The following PXYLP1 variants were observed in gnomAD, a reference collection of about 807,000 sequenced individuals.
PXYLP1 encodes the protein acid phosphatase-like 2.
PXYLP1 carries 17 observed loss-of-function variants against 37.9 expected under a neutral mutation model. The observed-to-expected ratio is 0.45, with a 90% CI of 0.31 to 0.67. The LOEUF is 0.67. Among genes scored for constraint, PXYLP1 ranks in the 30% least tolerant of loss-of-function variants. The pLI is 0.07. For synonymous variants in PXYLP1, 221 were observed against 232.2 expected (o/e 0.95, Z 0.44); for missense variants, 511 against 612.0 (o/e 0.84, Z 1.74).
At position 141,292,600 on chromosome 3, in the gene PXYLP1, A is replaced by G; in HGVS notation, c.838A>G (p.Lys280Glu). 1 of 1,614,092 alleles carries G rather than the reference A, an allele frequency of 6.2e-7. No homozygotes were observed. Among genetic ancestry groups the G allele is most frequent in the Non-Finnish European group, 8.5e-7 (1 of 1,180,022 alleles). ...GGAGAAGACCTACGGGGAGATGGCC[A>G]AGATCGTGGATGTCCCCACCAAGCA... ...QLEKTYGEMAKIVDVPTKQLR... is the reference protein window; with the variant it reads ...QLEKTYGEMAEIVDVPTKQLR... Residue 280 changes from lysine (K) to glutamate (E), a missense_variant, in exon 6 of 6, where the codon AAG becomes GAG. Coordinates refer to ENST00000286353, the MANE Select transcript of PXYLP1 (RefSeq NM_001037172.3). This position sits in a 1 kb window ranked among gnomAD's most constrained non-coding sequence, Gnocchi z 4.3.
intron 5 of PXYLP1, chr3:141,291,561 T>C (rs1033806733): frequency 1.3e-5 from 2 of 152,248 alleles, no homozygotes; most frequent in Admixed American, 6.5e-5. Flanking sequence ...TACATATTCT[T>C]ATTTTTCCCT....
At chr3:141,259,647 G>C (rs1206202618) in intron 1 of PXYLP1, among the ~76,000 whole-genome samples, 1 of 152,124 alleles carries the variant, frequency 6.6e-6, no homozygotes, top group Admixed American at 6.5e-5. Flanking sequence ...TGGGGGACAT[G>C]TTGTGATGAT....
At chr3:141,290,033 T>A (rs898135762) in intron 5 of PXYLP1, among the ~76,000 whole-genome samples, 8 of 152,270 alleles carry the variant, frequency 5.3e-5, no homozygotes, top group African/African-American at 1.9e-4. Context: ...TTAATGGTCA[T>A]TTTTATTTCT....
Position 141,287,539 on chromosome 3 carries a change from C to A in PXYLP1, c.505+86C>A. ...CCGAGCAGTTCTCCTGGGCGGGGTGCTGTGCAGCTCAGAGGGGGTAAGCAA... is the reference window on the plus strand; with the variant it reads ...CCGAGCAGTTCTCCTGGGCGGGGTGATGTGCAGCTCAGAGGGGGTAAGCAA... On this transcript the variant is annotated intron_variant, in intron 5 of 5. Coordinates refer to ENST00000286353, the MANE Select transcript of PXYLP1 (RefSeq NM_001037172.3). 3 of 1,513,818 alleles carry A rather than the reference C, an allele frequency of 2.0e-6. No individual in the cohort carries two copies. In the East Asian group the frequency reaches 6.9e-5, roughly 35 times the overall value. 93.8% of individuals were successfully genotyped at this position (1,513,818 alleles called of 1,614,324 possible).
At position 141,250,639 on chromosome 3, in the gene PXYLP1, C is replaced by T. The variant is rs147548645; in HGVS notation, c.-53-9484C>T. 3.9e-3 allele frequency among the ~76,000 whole-genome samples: 590 copies of T among 152,342 alleles called. 1 individual carries two copies. The highest frequency in any genetic ancestry group is 0.016 in the South Asian group (76 of 4,830). On this transcript the variant is annotated intron_variant, in intron 1 of 5. Transcript: ENST00000286353. Reference sequence around the variant, plus strand: ...CTTCTTTGCTTCCAGTAGAGATGAACAGAGTTATCCCTTCTGCCTTTGCCC... The same window carrying T: ...CTTCTTTGCTTCCAGTAGAGATGAATAGAGTTATCCCTTCTGCCTTTGCCC...
At chr3:141,267,289 G>A (rs375656720) in intron 2 of PXYLP1, 1 of 152,172 alleles carries the variant, frequency 6.6e-6, no homozygotes, top group African/African-American at 2.4e-5. Context: ...AAAAGATTTG[G>A]GGATGCAAGC....
chr3:141,268,200 A>T (rs62281966), intron 2 of PXYLP1, among the ~76,000 whole-genome samples: 96 of 32,804 alleles, frequency 2.9e-3, no homozygotes, highest in African/African-American at 6.7e-3. Flanking sequence ...AGAGAGAGAG[A>T]GAGAGAGTGT....
intron 1 of PXYLP1, among the ~76,000 whole-genome samples, chr3:141,247,685 G>T (rs183830430): frequency 2.0e-5 from 3 of 152,162 alleles, no homozygotes; most frequent in African/African-American, 2.4e-5. Flanking sequence ...AACTCCATGC[G>T]CCTTGTAAGA....
chr3:141,283,386 T>C (rs760799407), intron 4 of PXYLP1, among the ~76,000 whole-genome samples: 1 of 152,060 alleles, frequency 6.6e-6, no homozygotes, highest in Non-Finnish European at 1.5e-5. Context: ...TGGGCTTATA[T>C]TACAGACAGA....
intron 3 of PXYLP1, 25 bp downstream of exon 3, chr3:141,278,525 C>A: frequency 6.2e-7 from 1 of 1,612,912 alleles, no homozygotes; most frequent in South Asian, 1.1e-5. Flanking sequence ...GCCACCAGGA[C>A]AGATACCCCT....
At chr3:141,242,292 T>G (rs1284235668) in intron 1 of PXYLP1, among the ~76,000 whole-genome samples, 1 of 152,162 alleles carries the variant, frequency 6.6e-6, no homozygotes, top group Non-Finnish European at 1.5e-5. Flanking sequence ...CTGGCCTGAT[T>G]AGAGGGGCTG....
chr3:141,237,767 G>A (rs1054655759), intron 1 of PXYLP1, among the ~76,000 whole-genome samples: 2 of 152,218 alleles, frequency 1.3e-5, no homozygotes, highest in Non-Finnish European at 2.9e-5. Flanking sequence ...TTGTGGTGAA[G>A]GACATGAATG....
intron 1 of PXYLP1, among the ~76,000 whole-genome samples, chr3:141,246,025 C>T (rs570550303): frequency 6.6e-6 from 1 of 152,146 alleles, no homozygotes; most frequent in Non-Finnish European, 1.5e-5. Flanking sequence ...TAGTTCTTCC[C>T]CCGACTGACC....
At chr3:141,242,417 G>T (rs1460117637) in intron 1 of PXYLP1, among the ~76,000 whole-genome samples, 1 of 152,210 alleles carries the variant, frequency 6.6e-6, no homozygotes, top group African/African-American at 2.4e-5. Context: ...GCCTGAGAAG[G>T]TAAGGGTTCT....
intron 1 of PXYLP1, among the ~76,000 whole-genome samples, chr3:141,233,870 C>G (rs1238747570): frequency 6.6e-6 from 1 of 152,222 alleles, no homozygotes; most frequent in Non-Finnish European, 1.5e-5. Flanking sequence ...AGTAGGGTCT[C>G]TCTGTCCAGA....
intron 2 of PXYLP1, among the ~76,000 whole-genome samples, chr3:141,272,382 C>T (rs1202334197): frequency 1.3e-5 from 2 of 152,094 alleles, no homozygotes; most frequent in Non-Finnish European, 2.9e-5. Context: ...ATTTTCTATT[C>T]CATGGGGACC....
intron 1 of PXYLP1, among the ~76,000 whole-genome samples, chr3:141,257,730 T>A (rs903073931): frequency 9.9e-5 from 15 of 151,766 alleles, no homozygotes; most frequent in African/African-American, 3.6e-4. Flanking sequence ...GGTGAAACCC[T>A]GTCTCTACTA....
chr3:141,244,224 C>A (rs1004459192), intron 1 of PXYLP1, among the ~76,000 whole-genome samples: 2 of 152,130 alleles, frequency 1.3e-5, no homozygotes, highest in African/African-American at 4.8e-5. Flanking sequence ...TTTAAAATAG[C>A]ACAGGTTCAA....
At chr3:141,236,102 T>C (rs1159521966) in intron 1 of PXYLP1, among the ~76,000 whole-genome samples, 3 of 152,212 alleles carry the variant, frequency 2.0e-5, no homozygotes, top group Non-Finnish European at 2.9e-5. Context: ...CAGTCATCTG[T>C]GCATGCGTCT....
Sources: allele counts gnomAD v4.1 joint callset (sites outside exome capture counted in the v4.1 genomes callset), GRCh38; gene constraint gnomAD v4.1.1; non-coding constraint Gnocchi (gnomAD v3.1); transcripts MANE v1.5; gene names NCBI Gene and HGNC (gene_info 2026-07-23, HGNC 2026-07-21).